HS6ST2: variants seen among roughly 807,000 people sequenced by gnomAD.
HS6ST2 encodes the protein heparan sulfate 6-O-sulfotransferase 2, also known as heparan-sulfate 6-O-sulfotransferase 2.
In HS6ST2, 17 loss-of-function variants were observed where a neutral mutation model predicts 33.0. The observed-to-expected ratio is 0.52, with a 90% CI of 0.35 to 0.77. HS6ST2 has a LOEUF of 0.77. Ranked by LOEUF, HS6ST2 falls within the 30% of genes least tolerant of loss-of-function variation. HS6ST2 has a pLI of 0.01. For synonymous variants in HS6ST2, 248 were observed against 237.1 expected (o/e 1.05, Z -0.42); for missense variants, 519 against 551.7 (o/e 0.94, Z 0.59).
chrX:132,771,133 A>G (rs2064894692), intron 2 of HS6ST2, among the ~76,000 whole-genome samples: 1 of 111,686 alleles, frequency 9.0e-6, no homozygotes, highest in African/African-American at 3.3e-5. Flanking sequence ...AATTAGGATC[A>G]CAATTTGTAT....
intron 2 of HS6ST2, among the ~76,000 whole-genome samples, chrX:132,736,373 C>A (rs941324945): frequency 8.9e-6 from 1 of 112,170 alleles, no homozygotes; most frequent in Non-Finnish European, 1.9e-5. Flanking sequence ...TGAAAACACA[C>A]ACATATAGCT....
intron 2 of HS6ST2, among the ~76,000 whole-genome samples, chrX:132,829,199 T>TATATATATATATAC (rs55664940): frequency 1.4e-5 from 1 of 73,294 alleles, no homozygotes; most frequent in African/African-American, 6.1e-5. Flanking sequence ...TATATATATA[T>TATATATATATATAC]ACATACTTAT....
chrX:132,916,818 C>T (rs1460637391), intron 2 of HS6ST2, among the ~76,000 whole-genome samples: 1 of 111,705 alleles, frequency 9.0e-6, no homozygotes, highest in Non-Finnish European at 1.9e-5. Flanking sequence ...GGTTGTGGGA[C>T]TCAAACTGAG....
chrX:132,914,938 C>G (rs1380577400), intron 2 of HS6ST2, among the ~76,000 whole-genome samples: 1 of 112,827 alleles, frequency 8.9e-6, no homozygotes, highest in Non-Finnish European at 1.9e-5. Flanking sequence ...CATGTCACCA[C>G]ATTTTTAAAA....
chrX:132,722,790 C>T (rs1005344997), intron 2 of HS6ST2, among the ~76,000 whole-genome samples: 1 of 108,133 alleles, frequency 9.2e-6, no homozygotes, highest in African/African-American at 3.4e-5. Context: ...GGAAAGAATG[C>T]TTTGTAGAAT....
At position 132,637,828 on chromosome X, in the gene HS6ST2, T is replaced by TTATATATAATATATTATA. The variant is rs1569475903; in HGVS notation, c.1068-8736_1068-8735insTATAATATATTATATATA. ...TATATATTATTTTATATATATAATA[T>TTATATATAATATATTATA]TATATATAATATTTTATATATAATA... On this transcript the variant is annotated intron_variant, in intron 4 of 4. Transcript: ENST00000370833. 1.7e-3 allele frequency among the ~76,000 whole-genome samples: 99 copies of TTATATATAATATATTATA among 58,499 alleles called. 6 individuals are homozygous for TTATATATAATATATTATA. The highest frequency in any genetic ancestry group is 0.016 in the Middle Eastern group (2 of 127). 50.8% of individuals were successfully genotyped at this position (58,499 alleles called of 115,157 possible). A position where few individuals can be genotyped will look rare whatever the true frequency, so the allele number is the denominator to read the frequency against.
At chrX:132,675,818 C>T (rs1339084915) in intron 3 of HS6ST2, among the ~76,000 whole-genome samples, 2 of 110,988 alleles carry the variant, frequency 1.8e-5, no homozygotes, top group African/African-American at 3.3e-5. Flanking sequence ...ACTAAAATCT[C>T]CTTTTTTTTT....
intron 3 of HS6ST2, among the ~76,000 whole-genome samples, chrX:132,692,948 A>G (rs767404760): frequency 1.8e-5 from 2 of 111,924 alleles, no homozygotes; most frequent in African/African-American, 3.3e-5. Flanking sequence ...ATGTTTGTTG[A>G]ATGAGCCTGG....
At chrX:132,680,440 C>T (rs755368453) in intron 3 of HS6ST2, among the ~76,000 whole-genome samples, 25 of 111,274 alleles carry the variant, frequency 2.2e-4, no homozygotes, top group African/African-American at 7.2e-4. Context: ...ATTGGATAGA[C>T]GGATGCAGAA....
intron 2 of HS6ST2, among the ~76,000 whole-genome samples, chrX:132,897,197 T>A (rs1053474845): frequency 4.5e-5 from 5 of 110,045 alleles, no homozygotes; most frequent in African/African-American, 1.7e-4. Context: ...GAGATACCTG[T>A]TGCCGAGTAA....
chrX:132,780,977 C>T (rs1402284515), intron 2 of HS6ST2, among the ~76,000 whole-genome samples: 1 of 111,932 alleles, frequency 8.9e-6, no homozygotes, highest in African/African-American at 3.3e-5. Flanking sequence ...AATCTACACA[C>T]CATCTAGGTG....
chrX:132,939,920 G>T (rs191616610), intron 2 of HS6ST2, among the ~76,000 whole-genome samples: 1 of 111,211 alleles, frequency 9.0e-6, no homozygotes, highest in African/African-American at 3.3e-5. Context: ...AATCCCAGCC[G>T]GCTTCTTTGT....
chrX:132,750,616 C>T (rs1025151335), intron 2 of HS6ST2, among the ~76,000 whole-genome samples: 4 of 111,626 alleles, frequency 3.6e-5, no homozygotes, highest in Admixed American at 2.9e-4. Flanking sequence ...GGTAGAATCA[C>T]GTGGATATAT....
intron 2 of HS6ST2, among the ~76,000 whole-genome samples, chrX:132,909,546 C>CT (rs35972206): frequency 9.0e-6 from 1 of 111,681 alleles, no homozygotes; most frequent in Middle Eastern, 4.7e-3. Context: ...TTTAAGATTA[C>CT]TTTTTTTTCT....
At chrX:132,717,835 A>C (rs1304120527) in intron 2 of HS6ST2, among the ~76,000 whole-genome samples, 1 of 112,078 alleles carries the variant, frequency 8.9e-6, no homozygotes, top group East Asian at 2.8e-4. Flanking sequence ...AACTGTCTAC[A>C]TGAAGGTGTA....
chrX:132,830,578 A>G (rs1176658722), intron 2 of HS6ST2, among the ~76,000 whole-genome samples: 1 of 112,331 alleles, frequency 8.9e-6, no homozygotes, highest in Admixed American at 9.4e-5. Context: ...TACTTCTTAC[A>G]TTTTAAACAC....
chrX:132,855,107 T>C (rs1354809189), intron 2 of HS6ST2, among the ~76,000 whole-genome samples: 3 of 112,156 alleles, frequency 2.7e-5, no homozygotes, highest in Non-Finnish European at 5.6e-5. Context: ...CCTTCAAATC[T>C]TCCCACTCAG....
intron 2 of HS6ST2, among the ~76,000 whole-genome samples, chrX:132,753,908 G>A (rs1203931694): frequency 3.6e-5 from 4 of 112,317 alleles, no homozygotes; most frequent in Admixed American, 9.4e-5. Flanking sequence ...ATAGTACAAT[G>A]AGTTCCCATA....
At chrX:132,787,867 G>C (rs1169387784) in intron 2 of HS6ST2, among the ~76,000 whole-genome samples, 1 of 108,615 alleles carries the variant, frequency 9.2e-6, no homozygotes, top group Non-Finnish European at 1.9e-5. Flanking sequence ...CTCCAGCCTA[G>C]GTGACAGAGC....
Sources: allele counts gnomAD v4.1 joint callset (sites outside exome capture counted in the v4.1 genomes callset), GRCh38; gene constraint gnomAD v4.1.1; transcripts MANE v1.5; gene names NCBI Gene and HGNC (gene_info 2026-07-23, HGNC 2026-07-21).